Variants in TBKBP1 observed in about 807,000 individuals in gnomAD.
TBKBP1 encodes TANK-binding kinase 1-binding protein 1.
Under a neutral mutation model 69.9 loss-of-function variants are expected in TBKBP1, and 47 were observed. That is an observed-to-expected ratio of 0.67 (90% confidence interval 0.53 to 0.86). The LOEUF is 0.86. Ranked by LOEUF, TBKBP1 falls within the 40% of genes least tolerant of loss-of-function variation. The pLI is 0.00. For missense variants in TBKBP1, 831 were observed against 858.6 expected (o/e 0.97, Z 0.40); for synonymous variants, 418 against 390.3 (o/e 1.07, Z -0.84).
At chr17:47,697,857 G>T (rs1185672961) in intron 4 of TBKBP1, among the ~76,000 whole-genome samples, 1 of 150,992 alleles carries the variant, frequency 6.6e-6, no homozygotes, top group Non-Finnish European at 1.5e-5. Context: ...GCTGAGGTGG[G>T]AGGATCGCTT....
chr17:47,706,861 ACACACACACG>A (rs1458890920), intron 7 of TBKBP1, among the ~76,000 whole-genome samples: 18 of 151,402 alleles, frequency 1.2e-4, no homozygotes, highest in African/African-American at 4.1e-4. Flanking sequence ...ACACACACAC[ACACACACACG>A]CACACACCCC....
At chr17:47,706,331 G>A (rs2143334303) in intron 7 of TBKBP1, among the ~76,000 whole-genome samples, 1 of 152,248 alleles carries the variant, frequency 6.6e-6, no homozygotes, top group South Asian at 2.1e-4. Flanking sequence ...GATGTCCTCA[G>A]TCTGAAGGGG....
intron 7 of TBKBP1, among the ~76,000 whole-genome samples, chr17:47,701,884 G>C (rs950267148): frequency 6.6e-6 from 1 of 152,196 alleles, no homozygotes. Context: ...TGGCCCCACA[G>C]GCTTACTGGA....
chr17:47,709,000 GC>G lies in TBKBP1; in HGVS notation c.1271del (p.Pro424ArgfsTer29). 8.8e-7 allele frequency: 1 copy of G among 1,138,060 alleles called. No homozygotes were observed. The highest frequency in any genetic ancestry group is 3.3e-5 in the South Asian group (1 of 30,680). The allele number at this position is 1,138,060 out of a possible 1,614,324, so 70.5% of individuals were successfully genotyped here. On this transcript the variant is annotated frameshift_variant, in exon 9 of 10. Transcript: ENST00000578982. LOFTEE classifies it high-confidence loss of function. The surrounding 1 kb of genome is among the most constrained non-coding windows in gnomAD (Gnocchi z 4.4). ...RRSPVPPSCP[A>X]PQPRPPPPPP... is the part of the protein sequence containing the mutation. ...TTCCCCGGTGCCCCCCAGCTGCCCG[GC>G]CCCGCAGCCCCGGCCACCGCCGCCG...
At chr17:47,698,845 C>A in intron 5 of TBKBP1, 70 bp downstream of exon 5, 1 of 1,328,844 alleles carries the variant, frequency 7.5e-7, no homozygotes. Context: ...AGACACCTCG[C>A]ACTTACTTAC....
At chr17:47,694,246 G>T in intron 1 of TBKBP1, 52 bp downstream of exon 1, 1 of 150,786 alleles carries the variant, frequency 6.6e-6, no homozygotes, top group African/African-American at 2.4e-5. Flanking sequence ...CGCCCGGGCT[G>T]GGCCCCAGGG....
Position 47,708,440 on chromosome 17 carries a change from C to A in TBKBP1, c.919C>A (p.Arg307=). ...AYTELTEELG[R]LRELSSLQGR... is the part of the protein sequence containing the mutation. The stretch of plus-strand genomic sequence containing the variant: ...CACCGAGCTGACGGAGGAGCTGGGC[C>A]GGCTTCGGGAGTTGAGTTCCCTACA... The change falls in exon 8 of 10, where the codon CGG becomes AGG. Residue 307 remains arginine (R), a synonymous_variant. Coordinates refer to ENST00000578982, the MANE Select transcript of TBKBP1 (RefSeq NM_001394755.1). The surrounding 1 kb of genome is among the most constrained non-coding windows in gnomAD (Gnocchi z 4.4). 1 of 1,613,858 alleles carries A rather than the reference C, an allele frequency of 6.2e-7. No homozygotes were observed. The highest frequency in any genetic ancestry group is 1.1e-5 in the South Asian group (1 of 91,074).
intron 9 of TBKBP1, 86 bp downstream of exon 9, chr17:47,709,538 C>T: frequency 3.6e-6 from 5 of 1,398,706 alleles, no homozygotes; most frequent in Non-Finnish European, 3.7e-6. Flanking sequence ...GAGGGCCTTG[C>T]CCCTTTCGGG....
At chr17:47,696,054 T>C in intron 1 of TBKBP1, 25 bp from the exon 2 acceptor site, 1 of 1,387,656 alleles carries the variant, frequency 7.2e-7, no homozygotes, top group Non-Finnish European at 9.8e-7. Flanking sequence ...GACGGCCCTG[T>C]CCACGGTTGC....
Position 47,709,243 on chromosome 17 carries a change from A to G in TBKBP1, c.1510A>G (p.Ser504Gly). ...SELYGPGRPL[S>G]PRRAFEGIRL... ...GCTCTACGGCCCTGGCAGGCCCCTC[A>G]GCCCGCGGCGCGCCTTCGAGGGCAT... is the stretch of plus-strand genomic sequence containing the variant. Residue 504 changes from serine (S) to glycine (G), a missense_variant, in exon 9 of 10, where the codon AGC (serine) becomes GGC (glycine). Transcript: ENST00000578982. 6.6e-7 allele frequency: 1 copy of G among 1,522,468 alleles called. No homozygotes were observed. Among genetic ancestry groups the G allele is most frequent in the Admixed American group, 2.0e-5 (1 of 50,668 alleles). 94.3% of individuals were successfully genotyped at this position (1,522,468 alleles called of 1,614,324 possible).
rs55849029 is a variant in TBKBP1 at position 47,706,828 on chromosome 17, G to GACACACACAC, written c.873-1533_873-1524dup. Among the ~76,000 whole-genome samples the GACACACACAC allele has an allele frequency of 8.2e-3, 1,103 of 134,188 alleles. 15 individuals are homozygous for GACACACACAC. The highest frequency in any genetic ancestry group is 0.027 in the Middle Eastern group (7 of 258). The allele number at this position is 134,188 out of a possible 152,430, so 88.0% of individuals were successfully genotyped here. A position where few individuals can be genotyped will look rare whatever the true frequency, so the allele number is the denominator to read the frequency against. On this transcript the variant is annotated intron_variant, in intron 7 of 9. Transcript: ENST00000578982. ...CTCCTCTCCTTTAGGGTTAGACTTA[G>GACACACACAC]ACACACACACACACACACACACACA... is the stretch of plus-strand genomic sequence containing the variant.
rs1486432673 is a variant in TBKBP1, at chr17:47,699,177, G to A, written c.635-143G>A. 3.3e-6 allele frequency: 3 copies of A among 900,104 alleles called. No individual in the cohort carries two copies. The East Asian group carries it at 9.2e-5, about 28-fold the overall frequency. The allele number at this position is 900,104 out of a possible 1,614,324, so 55.8% of individuals were successfully genotyped here. The stretch of plus-strand genomic sequence containing the variant: ...GCGGCTCAGCCCATCTTTCCTCGCT[G>A]CCCTTGTCGCAGTCATCCCTCCTTG... On this transcript the variant is annotated intron_variant, in intron 5 of 9. Coordinates refer to ENST00000578982, the MANE Select transcript of TBKBP1 (RefSeq NM_001394755.1).
chr17:47,701,773 C>T (rs1245678262), intron 7 of TBKBP1, among the ~76,000 whole-genome samples: 3 of 152,226 alleles, frequency 2.0e-5, no homozygotes, highest in East Asian at 3.8e-4. Flanking sequence ...GTATCATCCA[C>T]GCTGCCCATT....
Position 47,710,866 on chromosome 17 carries a change from G to A in TBKBP1, c.*240G>A, listed in dbSNP as rs1429835042. 1 of 471,574 alleles carries A rather than the reference G, an allele frequency of 2.1e-6. No individual in the cohort carries two copies. The highest frequency in any genetic ancestry group is 3.7e-6 in the Non-Finnish European group (1 of 270,636). The allele number at this position is 471,574 out of a possible 1,614,324, so 29.2% of individuals were successfully genotyped here. On this transcript the variant is annotated 3_prime_UTR_variant, in exon 10 of 10. Transcript: ENST00000578982. Reference sequence around the variant, plus strand: ...CTCCTGGTTTCTGCTTAGGAGGTGGGGACTTGGGCTGGGATGGGGACGGCA... The same window carrying A: ...CTCCTGGTTTCTGCTTAGGAGGTGGAGACTTGGGCTGGGATGGGGACGGCA...
rs566114222 is a variant in TBKBP1, at chr17:47,701,219, GA to G, written c.872+1524del. 4.7e-4 allele frequency among the ~76,000 whole-genome samples: 72 copies of G among 152,298 alleles called. 1 individual carries two copies. Among genetic ancestry groups the G allele is most frequent in the African/African-American group, 1.6e-3 (67 of 41,552 alleles). On this transcript the variant is annotated intron_variant, in intron 7 of 9. Coordinates refer to ENST00000578982, the MANE Select transcript of TBKBP1 (RefSeq NM_001394755.1). ...GCTGTGATAGCTGGGGAGGTGGTGA[GA>G]ACCCAGTTTGTGGGACTGGTGGGTG...
At position 47,709,469 on chromosome 17, in the gene TBKBP1, C is replaced by A; in HGVS notation, c.1719+17C>A. 2 of 1,502,116 alleles carry A rather than the reference C, an allele frequency of 1.3e-6. No homozygotes were observed. Among genetic ancestry groups the A allele is most frequent in the Non-Finnish European group, 8.8e-7 (1 of 1,132,232 alleles). The allele number at this position is 1,502,116 out of a possible 1,614,324, so 93.0% of individuals were successfully genotyped here. A position where few individuals can be genotyped will look rare whatever the true frequency, so the allele number is the denominator to read the frequency against. ...TCCATCAACGTGAGTGGGGCGCCCG[C>A]GTTCCGCCCACCCCGGACCGGGCCT... On this transcript the variant is annotated intron_variant, in intron 9 of 9. Coordinates refer to ENST00000578982, the MANE Select transcript of TBKBP1 (RefSeq NM_001394755.1).
At chr17:47,696,571 C>A in intron 2 of TBKBP1, 140 bp from the exon 3 acceptor site, 1 of 1,369,918 alleles carries the variant, frequency 7.3e-7, no homozygotes. Flanking sequence ...GCTACAGACC[C>A]ATGGGAATTG....
chr17:47,696,340 C>A lies in TBKBP1; in HGVS notation c.225+3C>A. ...GCCTCAAAGTCTACGAGATCAAGGT[C>A]AGAACTTGGAGAGGAGGGCGCCTGA... On this transcript the variant is annotated splice_donor_region_variant and intron_variant, in intron 2 of 9. Transcript: ENST00000578982. 6.2e-7 allele frequency: 1 copy of A among 1,612,184 alleles called. No homozygotes were observed. The highest frequency in any genetic ancestry group is 1.1e-5 in the South Asian group (1 of 91,052).
intron 1 of TBKBP1, among the ~76,000 whole-genome samples, chr17:47,694,896 G>GC (rs1039841683): frequency 2.0e-5 from 3 of 150,938 alleles, no homozygotes; most frequent in South Asian, 2.1e-4. Context: ...GGAGGGGGGG[G>GC]GGTGGATTGA....
Sources: allele counts gnomAD v4.1 joint callset (sites outside exome capture counted in the v4.1 genomes callset), GRCh38; gene constraint gnomAD v4.1.1; non-coding constraint Gnocchi (gnomAD v3.1); transcripts MANE v1.5; gene names NCBI Gene and HGNC (gene_info 2026-07-23, HGNC 2026-07-21).